Variants in ELAPOR2 observed in about 807,000 individuals in gnomAD.
The protein encoded by ELAPOR2 is endosome-lysosome associated apoptosis and autophagy regulator family member 2.
A neutral mutation model predicts 120.7 loss-of-function variants in ELAPOR2; 89 were observed. The observed-to-expected ratio is 0.74, with a 90% CI of 0.62 to 0.88. ELAPOR2 has a LOEUF of 0.88. Among genes scored for constraint, ELAPOR2 ranks in the 40% least tolerant of loss-of-function variants. The probability of loss-of-function intolerance (pLI) is 0.00; values close to 1 mark genes in which losing one functional copy is unlikely to be tolerated. For missense variants in ELAPOR2, 1,134 were observed against 1,251.6 expected, an observed-to-expected ratio of 0.91 and a Z score of 1.42; for synonymous variants, 444 against 444.9, an observed-to-expected ratio of 1.00 and a Z score of 0.03.
In ELAPOR2 at chr7:86,877,821, T is replaced by C. The variant is rs200261428; in HGVS notation, c.*2650A>G. ...GACAGACATCTACACAAAAATACTA[T>C]GAAATATTTTTAATCCTAGAAAGGA... On this transcript the variant is annotated 3_prime_UTR_variant, in exon 22 of 22. Transcript: ENST00000450689. 1 of 152,144 alleles carries C rather than the reference T, an allele frequency of 6.6e-6. No homozygotes were observed. Among genetic ancestry groups the C allele is most frequent in the East Asian group, 1.9e-4 (1 of 5,192 alleles). The allele number at this position is 152,144 out of a possible 1,614,324, so 9.4% of individuals were successfully genotyped here. A position where few individuals can be genotyped will look rare whatever the true frequency, so the allele number is the denominator to read the frequency against.
intron 19 of ELAPOR2, among the ~76,000 whole-genome samples, chr7:86,894,626 T>A (rs938779572): frequency 2.0e-5 from 3 of 151,964 alleles, no homozygotes; most frequent in African/African-American, 7.2e-5. Context: ...TGGAAAAAAA[T>A]CAAGCTATTG....
At chr7:86,915,928 C>T (rs561674647) in intron 12 of ELAPOR2, among the ~76,000 whole-genome samples, 2 of 151,996 alleles carry the variant, frequency 1.3e-5, no homozygotes, top group East Asian at 3.9e-4. Context: ...ATTGATGGTG[C>T]TTCATTAAAC....
At chr7:86,927,258 G>A (rs1356493090) in intron 8 of ELAPOR2, among the ~76,000 whole-genome samples, 4 of 151,808 alleles carry the variant, frequency 2.6e-5, no homozygotes, top group Non-Finnish European at 4.4e-5. Flanking sequence ...AAGTTTCTAC[G>A]CAGCAACTTG....
chr7:87,015,703 G>T (rs1394637279), intron 1 of ELAPOR2, among the ~76,000 whole-genome samples: 2 of 152,108 alleles, frequency 1.3e-5, no homozygotes, highest in Admixed American at 1.3e-4. Flanking sequence ...CACGAGAATT[G>T]CTTGAACCAG....
intron 1 of ELAPOR2, among the ~76,000 whole-genome samples, chr7:86,974,350 T>C (rs1237262283): frequency 6.6e-6 from 1 of 152,130 alleles, no homozygotes; most frequent in Non-Finnish European, 1.5e-5. Flanking sequence ...TCTAGGCATG[T>C]AATCCAAGGA....
At chr7:86,911,646 C>A (rs1789315932) in intron 15 of ELAPOR2, 2 of 457,112 alleles carry the variant, frequency 4.4e-6, no homozygotes, top group South Asian at 3.1e-5. Context: ...TTTGGCCCTG[C>A]ATGTCTCCTT....
chr7:86,888,224 T>C, intron 21 of ELAPOR2, among the ~76,000 whole-genome samples: 1 of 152,108 alleles, frequency 6.6e-6, no homozygotes, highest in East Asian at 1.9e-4. Context: ...TATATGTTTC[T>C]ATAAAATGCC....
At chr7:87,001,732 A>G (rs191352074) in intron 1 of ELAPOR2, among the ~76,000 whole-genome samples, 1 of 152,264 alleles carries the variant, frequency 6.6e-6, no homozygotes, top group East Asian at 1.9e-4. Flanking sequence ...GCCCTGCTCA[A>G]TTCAAGTTCA....
intron 1 of ELAPOR2, among the ~76,000 whole-genome samples, chr7:87,057,053 T>C (rs1480947907): frequency 6.6e-6 from 1 of 152,224 alleles, no homozygotes; most frequent in Non-Finnish European, 1.5e-5. Flanking sequence ...TTTGTGGCAT[T>C]TGCCTCCTTT....
At chr7:86,913,677 G>A (rs1789427337) in intron 13 of ELAPOR2, among the ~76,000 whole-genome samples, 1 of 152,170 alleles carries the variant, frequency 6.6e-6, no homozygotes, top group Non-Finnish European at 1.5e-5. Flanking sequence ...AACATTAACT[G>A]TGCTAAATCA....
At chr7:86,921,124 G>T (rs923954939) in intron 10 of ELAPOR2, among the ~76,000 whole-genome samples, 14 of 152,128 alleles carry the variant, frequency 9.2e-5, no homozygotes, top group African/African-American at 3.4e-4. Context: ...CACTTTTGGA[G>T]CAACTCCAGC....
chr7:86,956,228 T>C (rs1447523149), intron 2 of ELAPOR2, among the ~76,000 whole-genome samples: 1 of 152,184 alleles, frequency 6.6e-6, no homozygotes, highest in Non-Finnish European at 1.5e-5. Flanking sequence ...GACACATGGA[T>C]ATACTTTGTA....
At chr7:87,022,528 C>G (rs943396404) in intron 1 of ELAPOR2, among the ~76,000 whole-genome samples, 1 of 152,036 alleles carries the variant, frequency 6.6e-6, no homozygotes, top group African/African-American at 2.4e-5. Flanking sequence ...GTGAGTAGTG[C>G]CCCAATAAAC....
chr7:86,995,541 A>G lies in ELAPOR2; in HGVS notation c.190-30517T>C, dbSNP rs1447156260. On this transcript the variant is annotated intron_variant, in intron 1 of 21. Transcript: ENST00000450689. ...AAGGGCAACTGGTTTTGCTATTAAT[A>G]TAACGCGTTTTGCAAGCTATATGAT... 2.0e-5 allele frequency among the ~76,000 whole-genome samples: 3 copies of G among 152,208 alleles called. 1 individual carries two copies. Among genetic ancestry groups the G allele is most frequent in the Admixed American group, 2.0e-4 (3 of 15,286 alleles).
At chr7:86,941,802 A>G (rs779260098) in intron 5 of ELAPOR2, among the ~76,000 whole-genome samples, 1 of 151,990 alleles carries the variant, frequency 6.6e-6, no homozygotes, top group Non-Finnish European at 1.5e-5. Context: ...TAGGAAAAAG[A>G]CCCTGAAAAT....
At chr7:86,881,322 G>A (rs951565796) in intron 21 of ELAPOR2, among the ~76,000 whole-genome samples, 1 of 150,976 alleles carries the variant, frequency 6.6e-6, no homozygotes, top group Non-Finnish European at 1.5e-5. Flanking sequence ...TCAGCCTCCC[G>A]AGTAGCTGGG....
At position 86,926,885 on chromosome 7, in the gene ELAPOR2, T is replaced by C. The variant is rs761960334; in HGVS notation, c.1121A>G (p.Lys374Arg). Residue 374 changes from lysine to arginine, a missense_variant, in exon 9 of 22, where the codon AAA becomes AGA. Transcript: ENST00000450689. The stretch of plus-strand genomic sequence containing the variant: ...ATCTGTGAGATCCTCCCGGCAGATT[T>C]TGGGCTCTATCCACTTGTACATTAT... Reference protein sequence around the residue: ...TQIMYKWIEPKICREDLTDAI... With the variant: ...TQIMYKWIEPRICREDLTDAI... 9.5e-6 allele frequency: 15 copies of C among 1,585,010 alleles called. No individual in the cohort carries two copies. Among genetic ancestry groups the C allele is most frequent in the Admixed American group, 1.7e-5 (1 of 57,470 alleles).
chr7:86,958,992 G>C (rs1210374065), intron 2 of ELAPOR2, among the ~76,000 whole-genome samples: 1 of 152,014 alleles, frequency 6.6e-6, no homozygotes, highest in Non-Finnish European at 1.5e-5. Context: ...ATTTGTGTCT[G>C]CTTTCTTTAA....
intron 21 of ELAPOR2, among the ~76,000 whole-genome samples, chr7:86,883,124 TTGA>T (rs1799501102): frequency 6.6e-6 from 1 of 151,874 alleles, no homozygotes; most frequent in Admixed American, 6.6e-5. Context: ...TGTGTCTAAT[TTGA>T]CGTAACACCC....
Sources: allele counts gnomAD v4.1 joint callset (sites outside exome capture counted in the v4.1 genomes callset), GRCh38; gene constraint gnomAD v4.1.1; transcripts MANE v1.5; gene names NCBI Gene and HGNC (gene_info 2026-07-23, HGNC 2026-07-21).